The following RAD51AP1 variants were observed in gnomAD, a reference collection of about 807,000 sequenced individuals.
RAD51AP1 encodes RAD51 associated protein 1.
Under a neutral mutation model 34.3 loss-of-function variants are expected in RAD51AP1, and 14 were observed. The observed-to-expected ratio is 0.41, with a 90% CI of 0.27 to 0.64. RAD51AP1 has a LOEUF of 0.64. Ranked by LOEUF, RAD51AP1 falls within the 30% of genes least tolerant of loss-of-function variation. RAD51AP1 has a pLI of 0.33. For missense variants in RAD51AP1, 348 were observed against 386.9 expected (o/e 0.90, Z 0.84); for synonymous variants, 114 against 129.8 (o/e 0.88, Z 0.83).
In RAD51AP1 at chr12:4,548,755, G is replaced by A. The variant is rs771305807; in HGVS notation, c.475G>A (p.Ala159Thr). 1.2e-6 allele frequency: 2 copies of A among 1,614,108 alleles called. No individual in the cohort carries two copies. The highest frequency in any genetic ancestry group is 1.7e-6 in the Non-Finnish European group (2 of 1,179,964). ...VQGKRKAASKAAAQQRKILLE... is the reference protein window; with the variant it reads ...VQGKRKAASKTAAQQRKILLE... ...AGGGAAAAGAAAAGCAGCATCTAAAGCTGCAGCACAGCAGAGGAAGATTCT... is the reference window on the plus strand; with the variant it reads ...AGGGAAAAGAAAAGCAGCATCTAAAACTGCAGCACAGCAGAGGAAGATTCT... The change falls in exon 6 of 9, where the codon GCT becomes ACT. Residue 159 changes from alanine (A) to threonine (T), a missense_variant. By Grantham distance (58) the Ala-to-Thr change is moderately conservative (BLOSUM62 0). Coordinates refer to ENST00000352618, the MANE Select transcript of RAD51AP1 (RefSeq NM_006479.5).
intron 4 of RAD51AP1, among the ~76,000 whole-genome samples, chr12:4,547,389 GTT>G (rs1944514196): frequency 6.6e-6 from 1 of 152,162 alleles, no homozygotes; most frequent in African/African-American, 2.4e-5. Flanking sequence ...AGAAATGAAA[GTT>G]TGATTAGGAA....
chr12:4,554,182 A>G (rs1944566453), intron 7 of RAD51AP1, among the ~76,000 whole-genome samples: 2 of 152,150 alleles, frequency 1.3e-5, no homozygotes, highest in South Asian at 4.1e-4. Context: ...GAGACAAACC[A>G]CGTTCTTGTC....
intron 1 of RAD51AP1, among the ~76,000 whole-genome samples, chr12:4,540,190 G>C (rs1944452937): frequency 6.6e-6 from 1 of 152,178 alleles, no homozygotes; most frequent in Non-Finnish European, 1.5e-5. Context: ...TTTGTATTAA[G>C]ATAGGGAAGA....
At chr12:4,543,512 G>T (rs1307425898) in intron 2 of RAD51AP1, among the ~76,000 whole-genome samples, 1 of 152,014 alleles carries the variant, frequency 6.6e-6, no homozygotes, top group Non-Finnish European at 1.5e-5. Context: ...CTTATATGCT[G>T]TCTTAATTGC....
At chr12:4,546,856 T>G (rs2137258926) in intron 4 of RAD51AP1, among the ~76,000 whole-genome samples, 1 of 152,322 alleles carries the variant, frequency 6.6e-6, no homozygotes, top group South Asian at 2.1e-4. Context: ...GAGAATGGCT[T>G]TTGGATTTCT....
chr12:4,556,372 T>C lies in RAD51AP1; in HGVS notation c.741T>C (p.Ala247=). The change falls in exon 8 of 9, where the codon GCT becomes GCC. Residue 247 remains alanine, a synonymous_variant. Coordinates refer to ENST00000352618, the MANE Select transcript of RAD51AP1 (RefSeq NM_006479.5). ...CNALVTSVDS[A]PAAVKSESQS... is the part of the protein sequence containing the mutation. ...AATAAGTGACTTCGGTGGACTCTGC[T>C]CCAGCTGCCGTCAAATCAGAATCTC... The C allele has an allele frequency of 1.2e-6, 2 of 1,613,464 alleles. No individual in the cohort carries two copies. Among genetic ancestry groups the C allele is most frequent in the Non-Finnish European group, 1.7e-6 (2 of 1,179,552 alleles).
rs74061955 is a variant in RAD51AP1, at chr12:4,542,737, C to T, written c.67+804C>T. ...GAGTATGTGATGAAGACTGCATAGACCCTGAAAGTATGCATATATGTGTTG... is the reference window on the plus strand; with the variant it reads ...GAGTATGTGATGAAGACTGCATAGATCCTGAAAGTATGCATATATGTGTTG... On this transcript the variant is annotated intron_variant, in intron 2 of 8. Transcript: ENST00000352618. Among the ~76,000 whole-genome samples the T allele has an allele frequency of 6.2e-3, 949 of 152,138 alleles. 9 individuals are homozygous for T. The highest frequency in any genetic ancestry group is 0.022 in the African/African-American group (911 of 41,506).
intron 7 of RAD51AP1, among the ~76,000 whole-genome samples, chr12:4,553,586 T>C (rs183861514): frequency 6.6e-6 from 1 of 152,280 alleles, no homozygotes; most frequent in East Asian, 1.9e-4. Flanking sequence ...TTTTTTGCTT[T>C]TGTGCTTTAC....
intron 6 of RAD51AP1, among the ~76,000 whole-genome samples, 157 bp downstream of exon 6, chr12:4,548,993 A>C (rs1944527099): frequency 6.6e-6 from 1 of 152,230 alleles, no homozygotes; most frequent in Admixed American, 6.5e-5. Context: ...ATTTGGGGAA[A>C]AAGTTTTTTC....
At chr12:4,554,006 C>T (rs768710131) in intron 7 of RAD51AP1, among the ~76,000 whole-genome samples, 4 of 151,930 alleles carry the variant, frequency 2.6e-5, no homozygotes, top group Non-Finnish European at 5.9e-5. Context: ...ATATTCTTCT[C>T]TCTCCTGTAT....
rs141884148 is a variant in RAD51AP1, at chr12:4,559,058, T to G, written c.*65T>G. 4.2e-4 allele frequency: 661 copies of G among 1,560,668 alleles called. 7 individuals are homozygous for G. The East Asian group carries it at 0.01, about 25-fold the overall frequency. ...CTTTACAAGGGTGTTTATATTTGAT[T>G]TGTGTTTATATTTGAGGCAGGTATT... On this transcript the variant is annotated 3_prime_UTR_variant, in exon 9 of 9. Transcript: ENST00000352618.
chr12:4,558,573 A>T (rs557538210), intron 8 of RAD51AP1, among the ~76,000 whole-genome samples: 1 of 152,272 alleles, frequency 6.6e-6, no homozygotes, highest in South Asian at 2.1e-4. Flanking sequence ...GCATTTTTGT[A>T]TGCCTTTACA....
chr12:4,540,847 C>G (rs1944461451), intron 1 of RAD51AP1, among the ~76,000 whole-genome samples: 2 of 152,090 alleles, frequency 1.3e-5, no homozygotes, highest in Non-Finnish European at 2.9e-5. Flanking sequence ...ATAGTTATCT[C>G]AAGGAAAAGC....
chr12:4,556,562 T>A (rs1387907453), intron 8 of RAD51AP1, 60 bp downstream of exon 8: 28 of 1,573,766 alleles, frequency 1.8e-5, no homozygotes, highest in Non-Finnish European at 2.3e-5. Flanking sequence ...TAAATTTTTT[T>A]CCTAGTTACA....
chr12:4,553,430 T>C (rs1008603455), intron 7 of RAD51AP1, among the ~76,000 whole-genome samples: 6 of 152,196 alleles, frequency 3.9e-5, no homozygotes, highest in African/African-American at 1.2e-4. Flanking sequence ...AAACTGAGTG[T>C]CAGAGAGGTT....
intron 7 of RAD51AP1, among the ~76,000 whole-genome samples, chr12:4,554,088 T>C (rs1264515592): frequency 6.6e-6 from 1 of 152,166 alleles, no homozygotes; most frequent in Non-Finnish European, 1.5e-5. Context: ...TTCCAGAAAT[T>C]CTGAGTATCA....
intron 2 of RAD51AP1, among the ~76,000 whole-genome samples, chr12:4,542,572 CT>C (rs34064065): frequency 0.16 from 22,781 of 139,586 alleles, 2,112 homozygotes; most frequent in African/African-American, 0.3. Context: ...TAACATCTAG[CT>C]TTTTTTTTTT....
At position 4,548,089 on chromosome 12, in the gene RAD51AP1, T is replaced by A; in HGVS notation, c.320-3T>A. 1 of 1,588,812 alleles carries A rather than the reference T, an allele frequency of 6.3e-7. No individual in the cohort carries two copies. The highest frequency in any genetic ancestry group is 1.2e-5 in the South Asian group (1 of 85,036). ...AATTTTCTTTCTTATTCCTTATATT[T>A]AGGCATTGAAAAACATGGCAGTAGT... On this transcript the variant is annotated splice_polypyrimidine_tract_variant and splice_region_variant and intron_variant, in intron 4 of 8. Transcript: ENST00000352618.
intron 6 of RAD51AP1, among the ~76,000 whole-genome samples, chr12:4,549,493 A>G (rs946773484): frequency 1.2e-4 from 19 of 152,330 alleles, no homozygotes; most frequent in African/African-American, 4.3e-4. Flanking sequence ...TTATTCGACT[A>G]ATATTTGAAT....
Sources: allele counts gnomAD v4.1 joint callset (sites outside exome capture counted in the v4.1 genomes callset), GRCh38; gene constraint gnomAD v4.1.1; transcripts MANE v1.5; gene names NCBI Gene and HGNC (gene_info 2026-07-23, HGNC 2026-07-21).